Variants in AGMO observed in about 807,000 individuals in gnomAD.
The protein encoded by AGMO is alkylglycerol monooxygenase, also known as glyceryl-ether monooxygenase.
AGMO carries 75 observed loss-of-function variants against 60.2 expected under a neutral mutation model. The observed-to-expected ratio is 1.25, with a 90% CI of 1.03 to 1.51. AGMO has a LOEUF of 1.51. Among genes scored for constraint, AGMO ranks in the 40% most tolerant of loss-of-function variants. AGMO has a pLI of 0.00. For synonymous variants in AGMO, 261 were observed against 177.1 expected (o/e 1.47, Z -3.76); for missense variants, 763 against 525.5 (o/e 1.45, Z -4.42).
At chr7:15,548,905 G>A (rs1403484897) in intron 2 of AGMO, among the ~76,000 whole-genome samples, 2 of 150,622 alleles carry the variant, frequency 1.3e-5, no homozygotes, top group Non-Finnish European at 2.9e-5. Flanking sequence ...AATGTTAAGG[G>A]CAGCCAGAGA....
intron 3 of AGMO, among the ~76,000 whole-genome samples, chr7:15,489,186 A>G (rs1394141757): frequency 6.6e-6 from 1 of 152,194 alleles, no homozygotes; most frequent in African/African-American, 2.4e-5. Flanking sequence ...TTACTTTCAC[A>G]ATTGTCATAA....
intron 3 of AGMO, among the ~76,000 whole-genome samples, chr7:15,444,073 C>G (rs1208700315): frequency 6.6e-6 from 1 of 152,130 alleles, no homozygotes; most frequent in Non-Finnish European, 1.5e-5. Context: ...ATTTCATAAG[C>G]TTCTTAATGA....
intron 3 of AGMO, among the ~76,000 whole-genome samples, chr7:15,480,129 C>G (rs1782710563): frequency 6.6e-6 from 1 of 152,106 alleles, no homozygotes; most frequent in African/African-American, 2.4e-5. Context: ...ATAGAAGAAT[C>G]TGAGGCAGTA....
At chr7:15,347,819 GCTGA>G (rs1328589305) in intron 12 of AGMO, among the ~76,000 whole-genome samples, 5 of 152,112 alleles carry the variant, frequency 3.3e-5, no homozygotes, top group African/African-American at 9.6e-5. Context: ...TCTAGAACCT[GCTGA>G]CTGATAAGGA....
At chr7:15,353,088 A>C (rs891320680) in intron 12 of AGMO, among the ~76,000 whole-genome samples, 1 of 151,896 alleles carries the variant, frequency 6.6e-6, no homozygotes, top group Non-Finnish European at 1.5e-5. Context: ...GATTATTTTT[A>C]AAAAGGTGGG....
In AGMO at chr7:15,464,878, A is replaced by G. The variant is rs77094098; in HGVS notation, c.410-33770T>C. 3.8e-4 allele frequency among the ~76,000 whole-genome samples: 58 copies of G among 152,308 alleles called. No individual in the cohort carries two copies. The East Asian group carries it at 7.9e-3, about 21-fold the overall frequency. ...AATAACTCTTGAATAGGAAATAATA[A>G]CTTGATAGCTTGTGATTAATAACAT... is the stretch of plus-strand genomic sequence containing the variant. On this transcript the variant is annotated intron_variant, in intron 3 of 12. Coordinates refer to ENST00000342526, the MANE Select transcript of AGMO (RefSeq NM_001004320.2).
At chr7:15,406,074 T>C (rs1004760564) in intron 5 of AGMO, among the ~76,000 whole-genome samples, 1 of 151,754 alleles carries the variant, frequency 6.6e-6, no homozygotes, top group Admixed American at 6.6e-5. Flanking sequence ...TTCAGGTAGC[T>C]CAGTAAAACT....
chr7:15,236,006 T>C (rs572174050), intron 12 of AGMO, among the ~76,000 whole-genome samples: 1 of 152,236 alleles, frequency 6.6e-6, no homozygotes, highest in Non-Finnish European at 1.5e-5. Context: ...GGATGGGACC[T>C]CAAGAGCAAG....
the AGMO span, among the ~76,000 whole-genome samples, chr7:15,144,846 T>C: frequency 3.9e-5 from 6 of 152,268 alleles, no homozygotes; most frequent in African/African-American, 1.4e-4. Flanking sequence ...GTTGTTGTTG[T>C]TGAGACGGAG....
chr7:15,517,755 G>A (rs779063206), intron 3 of AGMO, among the ~76,000 whole-genome samples: 11 of 152,006 alleles, frequency 7.2e-5, no homozygotes, highest in South Asian at 4.1e-4. Context: ...GTCAGACACC[G>A]AGCTAGCTGC....
intron 12 of AGMO, chr7:15,358,438 G>A (rs1583453213): frequency 2.1e-6 from 1 of 470,940 alleles, no homozygotes; most frequent in Admixed American, 2.4e-5. Context: ...AGACAAGTAG[G>A]GTGTTTCCTA....
chr7:15,272,392 T>C (rs1388563315), intron 12 of AGMO, among the ~76,000 whole-genome samples: 2 of 151,118 alleles, frequency 1.3e-5, no homozygotes, highest in Non-Finnish European at 2.9e-5. Flanking sequence ...TGGTTTTTTG[T>C]TCTTGGGATA....
At chr7:15,530,301 ATTTCCATATATATTCTATATAC>A (rs1784265757) in intron 3 of AGMO, among the ~76,000 whole-genome samples, 2 of 40,906 alleles carry the variant, frequency 4.9e-5, no homozygotes, top group African/African-American at 1.8e-4. Flanking sequence ...CTATATACGT[ATTTCCATATATATTCTATATAC>A]GTATTTCCAT....
intron 10 of AGMO, among the ~76,000 whole-genome samples, chr7:15,379,436 A>G (rs1342422897): frequency 1.3e-5 from 2 of 152,088 alleles, no homozygotes. Flanking sequence ...GTTATTATCA[A>G]TGACCCCACA....
intron 12 of AGMO, among the ~76,000 whole-genome samples, chr7:15,336,959 CAT>C (rs748406695): frequency 1.4e-4 from 22 of 152,286 alleles, no homozygotes; most frequent in South Asian, 8.3e-4. Flanking sequence ...CATCTGAAAA[CAT>C]GTGTGAGATT....
chr7:15,227,644 G>C (rs1227218787), intron 12 of AGMO, among the ~76,000 whole-genome samples: 1 of 151,970 alleles, frequency 6.6e-6, no homozygotes, highest in African/African-American at 2.4e-5. Context: ...ATTATGGCTG[G>C]AATTTCCACT....
At chr7:15,202,472 A>AAAAAAAG (rs1781320126) in intron 12 of AGMO, among the ~76,000 whole-genome samples, 2 of 138,252 alleles carry the variant, frequency 1.4e-5, no homozygotes, top group Non-Finnish European at 3.0e-5. Flanking sequence ...AAAAAAAAAA[A>AAAAAAAG]AAAAAAAAAA....
rs142420704 is a variant in AGMO, at chr7:15,513,937, A to T, written c.409+30835T>A. On this transcript the variant is annotated intron_variant, in intron 3 of 12. Transcript: ENST00000342526. ...GTCTAATTTGCTGGTTCCTCCTATG[A>T]CCCCCAAACACTAAATAATGGAAAA... Among the ~76,000 whole-genome samples the T allele has an allele frequency of 2.0e-3, 306 of 152,102 alleles. 1 individual carries two copies. Among genetic ancestry groups the T allele is most frequent in the African/African-American group, 6.5e-3 (269 of 41,488 alleles).
At chr7:15,322,879 ACT>A (rs1477240066) in intron 12 of AGMO, among the ~76,000 whole-genome samples, 1 of 145,250 alleles carries the variant, frequency 6.9e-6, no homozygotes, top group Non-Finnish European at 1.5e-5. Context: ...AATTATCAAA[ACT>A]CTTTCTTGAT....
Sources: allele counts gnomAD v4.1 joint callset (sites outside exome capture counted in the v4.1 genomes callset), GRCh38; gene constraint gnomAD v4.1.1; transcripts MANE v1.5; gene names NCBI Gene and HGNC (gene_info 2026-07-23, HGNC 2026-07-21).